GLIS3: variants seen among roughly 807,000 people sequenced by gnomAD.
The protein encoded by GLIS3 is zinc finger protein GLIS3.
A neutral mutation model predicts 78.6 loss-of-function variants in GLIS3; 53 were observed. The observed-to-expected ratio is 0.67, with a 90% CI of 0.54 to 0.85. The LOEUF is 0.85. GLIS3 is among the 40% of genes least tolerant of loss of function. The pLI, the probability that GLIS3 is intolerant of heterozygous loss-of-function variation, is 0.00. For synonymous variants in GLIS3, 684 were observed against 509.9 expected (o/e 1.34, Z -4.60); for missense variants, 1,703 against 1,231.1 (o/e 1.38, Z -5.74).
upstream of GLIS3, among the ~76,000 whole-genome samples, chr9:4,350,434 T>C (rs1034846521): frequency 2.0e-5 from 3 of 152,204 alleles, no homozygotes; most frequent in Admixed American, 6.5e-5. Flanking sequence ...TTGACACAAA[T>C]GGAATCAAGT....
intron 3 of GLIS3, among the ~76,000 whole-genome samples, chr9:4,120,521 G>A (rs1832095933): frequency 6.6e-6 from 1 of 152,196 alleles, no homozygotes; most frequent in Non-Finnish European, 1.5e-5. Context: ...CACACTTGCA[G>A]CATGTGGCTC....
the GLIS3 span, among the ~76,000 whole-genome samples, chr9:4,446,499 T>C: frequency 3.4e-5 from 5 of 148,742 alleles, no homozygotes; most frequent in African/African-American, 1.2e-4. Flanking sequence ...CAGGAAAATA[T>C]CCAAATTTTT....
At chr9:4,106,412 C>CT (rs1366805759) in intron 4 of GLIS3, among the ~76,000 whole-genome samples, 1 of 152,164 alleles carries the variant, frequency 6.6e-6, no homozygotes, top group Non-Finnish European at 1.5e-5. Context: ...CGGTAGAACA[C>CT]TGAGACAGGC....
At chr9:4,443,847 G>C in the GLIS3 span, among the ~76,000 whole-genome samples, 25,120 of 152,142 alleles carry the variant, frequency 0.17, 2,542 homozygotes, top group South Asian at 0.22. Context: ...TAGCGGGCCT[G>C]GTGTCAAAAA....
chr9:4,029,026 TGAAGAA>T (rs1823587563), intron 4 of GLIS3, among the ~76,000 whole-genome samples: 1 of 152,088 alleles, frequency 6.6e-6, no homozygotes, highest in Non-Finnish European at 1.5e-5. Flanking sequence ...AAGATGATGA[TGAAGAA>T]GGAGGTGTAT....
chr9:4,470,555 T>G, the GLIS3 span, among the ~76,000 whole-genome samples: 1 of 143,366 alleles, frequency 7.0e-6, no homozygotes, highest in African/African-American at 2.6e-5. Flanking sequence ...AATTCAACAA[T>G]CTTCATGCTA....
At chr9:4,321,375 TG>T (rs1383673287) in intron 2 of GLIS3, among the ~76,000 whole-genome samples, 1 of 105,714 alleles carries the variant, frequency 9.5e-6, no homozygotes, top group Admixed American at 1.3e-4. Flanking sequence ...GGAGCCGAGA[TG>T]GCGCCACTGC....
chr9:4,065,271 C>T (rs2130592850), intron 4 of GLIS3, among the ~76,000 whole-genome samples: 1 of 152,286 alleles, frequency 6.6e-6, no homozygotes, highest in South Asian at 2.1e-4. Flanking sequence ...GCTAGCAACA[C>T]AGCCCAAGGC....
intron 4 of GLIS3, among the ~76,000 whole-genome samples, chr9:3,985,196 G>C (rs889304883): frequency 6.6e-6 from 1 of 152,016 alleles, no homozygotes; most frequent in African/African-American, 2.4e-5. Flanking sequence ...CCAGGCTGGA[G>C]TGCAGTAAAG....
the GLIS3 span, among the ~76,000 whole-genome samples, chr9:4,485,268 G>A: frequency 6.6e-6 from 1 of 152,024 alleles, no homozygotes; most frequent in South Asian, 2.1e-4. Flanking sequence ...ATCCTCCTCG[G>A]CCTCCCAAAG....
chr9:4,006,970 T>G (rs751164492), intron 4 of GLIS3, among the ~76,000 whole-genome samples: 1 of 152,188 alleles, frequency 6.6e-6, no homozygotes, highest in African/African-American at 2.4e-5. Context: ...CACAATGTCA[T>G]TGAGGTATTT....
At chr9:4,068,834 ATGTGTG>A (rs56232754) in intron 4 of GLIS3, among the ~76,000 whole-genome samples, 8 of 149,806 alleles carry the variant, frequency 5.3e-5, no homozygotes, top group African/African-American at 1.2e-4. Context: ...GCATGTATGC[ATGTGTG>A]TGTGTGTGTG....
chr9:3,876,680 A>AGGGAGGGACGGAGGGAGG (rs1340745943), intron 8 of GLIS3, among the ~76,000 whole-genome samples: 4 of 2,678 alleles, frequency 1.5e-3, no homozygotes, highest in Non-Finnish European at 2.2e-3. Context: ...AAGAAAGAGA[A>AGGGAGGGACGGAGGGAGG]GGAAGGGAGG....
chr9:4,187,910 G>A (rs1316535973), intron 2 of GLIS3, among the ~76,000 whole-genome samples: 1 of 151,874 alleles, frequency 6.6e-6, no homozygotes. Context: ...AGACCATGGG[G>A]TTTTCTAGAT....
chr9:4,301,335 C>CAA (rs1426126444), upstream of GLIS3, among the ~76,000 whole-genome samples: 1 of 152,154 alleles, frequency 6.6e-6, no homozygotes, highest in Non-Finnish European at 1.5e-5. Flanking sequence ...TACAAGTATT[C>CAA]AAGCCCAAGA....
rs1265317427 is a variant in GLIS3 at position 3,991,683 on chromosome 9, A to AATTTTTTTTTT, written c.1711-54495_1711-54494insAAAAAAAAAAT. Among the ~76,000 whole-genome samples, 72 of 87,908 alleles carry AATTTTTTTTTT rather than the reference A, an allele frequency of 8.2e-4. 4 individuals are homozygous for AATTTTTTTTTT. The highest frequency in any genetic ancestry group is 3.3e-3 in the African/African-American group (63 of 18,978). The allele number at this position is 87,908 out of a possible 152,430, so 57.7% of individuals were successfully genotyped here. A position where few individuals can be genotyped will look rare whatever the true frequency, so the allele number is the denominator to read the frequency against. On this transcript the variant is annotated intron_variant, in intron 4 of 10. Coordinates refer to ENST00000381971, the MANE Select transcript of GLIS3 (RefSeq NM_001042413.2). ...GTTCAGAATTTCATTAAGTAGGCTG[A>AATTTTTTTTTT]TTTTTTTTTTTTTTTTTTTTTTTTT...
intron 9 of GLIS3, among the ~76,000 whole-genome samples, chr9:3,835,921 GAA>G (rs1255258807): frequency 6.6e-6 from 1 of 152,166 alleles, no homozygotes; most frequent in African/African-American, 2.4e-5. Context: ...TAGTGAGAAA[GAA>G]AGACAAACAT....
intron 4 of GLIS3, among the ~76,000 whole-genome samples, chr9:4,101,149 T>C (rs1194063660): frequency 6.6e-6 from 1 of 152,228 alleles, no homozygotes; most frequent in Non-Finnish European, 1.5e-5. Context: ...TGTATGACCT[T>C]ACATAAAATC....
At chr9:4,467,295 G>C in the GLIS3 span, among the ~76,000 whole-genome samples, 1 of 152,166 alleles carries the variant, frequency 6.6e-6, no homozygotes, top group African/African-American at 2.4e-5. Flanking sequence ...GGTTCTCCCA[G>C]CATGGAGTTT....
Sources: gnomAD v4.1 joint callset for allele counts (sites outside exome capture counted in the v4.1 genomes callset) on GRCh38, gnomAD v4.1.1 for gene constraint, MANE v1.5 for transcripts, NCBI Gene and HGNC (gene_info 2026-07-23, HGNC 2026-07-21) for gene names.